The following PIEZO2 variants were observed in gnomAD, a reference collection of about 807,000 sequenced individuals.
The protein encoded by PIEZO2 is piezo-type mechanosensitive ion channel component 2.
Under a neutral mutation model 337.3 loss-of-function variants are expected in PIEZO2, and 172 were observed. The ratio of observed to expected loss-of-function variants is 0.51; its 90% CI spans 0.45 to 0.58. The LOEUF (loss-of-function observed/expected upper bound fraction) is 0.58. Among genes scored for constraint, PIEZO2 ranks in the 20% least tolerant of loss-of-function variants. The pLI is 0.00. For missense variants in PIEZO2, 3,028 were observed against 3,391.3 expected (o/e 0.89, Z 2.66); for synonymous variants, 1,251 against 1,228.5 (o/e 1.02, Z -0.38).
intron 1 of PIEZO2, among the ~76,000 whole-genome samples, chr18:11,138,564 G>A (rs1410372100): frequency 5.9e-5 from 9 of 152,148 alleles, no homozygotes; most frequent in South Asian, 2.1e-4. Context: ...CAAAGTGCTC[G>A]GATTACAGGC....
intron 2 of PIEZO2, among the ~76,000 whole-genome samples, chr18:11,017,968 GTAA>G (rs767100017): frequency 6.6e-5 from 10 of 152,076 alleles, no homozygotes; most frequent in African/African-American, 2.2e-4. Flanking sequence ...TCTCTATTAA[GTAA>G]TAATAATAAT....
chr18:11,114,379 G>C (rs1016720530), intron 1 of PIEZO2, among the ~76,000 whole-genome samples: 7 of 152,204 alleles, frequency 4.6e-5, no homozygotes, highest in Admixed American at 6.5e-5. Context: ...AAAGTTAGCA[G>C]AGACGGCCAA....
intron 49 of PIEZO2, among the ~76,000 whole-genome samples, chr18:10,684,745 C>T (rs1200543890): frequency 6.6e-6 from 1 of 152,196 alleles, no homozygotes; most frequent in African/African-American, 2.4e-5. Context: ...GGATTACAAG[C>T]GTGAGCCACC....
In PIEZO2 at chr18:10,726,897, C is replaced by G; in HGVS notation, c.5029+4510G>C. ...AGCTGAAGCACATCATGGCCACCAACCGGCTGGATGTGGCGGAGCTGGGTC... is the reference window on the plus strand; with the variant it reads ...AGCTGAAGCACATCATGGCCACCAAGCGGCTGGATGTGGCGGAGCTGGGTC... On this transcript the variant is annotated intron_variant, in intron 36 of 55. Coordinates refer to ENST00000674853, the MANE Select transcript of PIEZO2 (RefSeq NM_001378183.1). This position sits in a 1 kb window ranked among gnomAD's most constrained non-coding sequence, Gnocchi z 5.9. 1.9e-6 allele frequency: 3 copies of G among 1,592,070 alleles called. No individual in the cohort carries two copies. The highest frequency in any genetic ancestry group is 2.6e-6 in the Non-Finnish European group (3 of 1,165,472).
At chr18:11,029,554 TA>T (rs1434109734) in intron 2 of PIEZO2, among the ~76,000 whole-genome samples, 2 of 152,180 alleles carry the variant, frequency 1.3e-5, no homozygotes, top group African/African-American at 4.8e-5. Flanking sequence ...TTCTCCTACT[TA>T]AAGTCTCTTA....
chr18:10,786,724 T>TA, intron 16 of PIEZO2, among the ~76,000 whole-genome samples: 1 of 152,216 alleles, frequency 6.6e-6, no homozygotes, highest in Non-Finnish European at 1.5e-5. Flanking sequence ...TGAACTTACT[T>TA]AAGAACTGAA....
At position 10,993,303 on chromosome 18, in the gene PIEZO2, T is replaced by A. The variant is rs2035178480; in HGVS notation, c.161-13643A>T. Among the ~76,000 whole-genome samples, 1 of 152,170 alleles carries A rather than the reference T, an allele frequency of 6.6e-6. No individual in the cohort carries two copies. Among genetic ancestry groups the A allele is most frequent in the Non-Finnish European group, 1.5e-5 (1 of 68,022 alleles). ...AGAGAGTGCCGGTTTTCAAAGGGAA[T>A]GCTTCCAGTTTTTGCCCATTCAGTA... On this transcript the variant is annotated intron_variant, in intron 2 of 55. Coordinates refer to ENST00000674853, the MANE Select transcript of PIEZO2 (RefSeq NM_001378183.1). The surrounding 1 kb of genome is among the most constrained non-coding windows in gnomAD (Gnocchi z 5.0).
At position 10,726,591 on chromosome 18, in the gene PIEZO2, C is replaced by A; in HGVS notation, c.5029+4816G>T. Reference sequence around the variant, plus strand: ...TGTCCTTCCGCCAGCTCTTCCAGGACCTGGCGCGCTACGTGCGGGACGCCG... The same window carrying A: ...TGTCCTTCCGCCAGCTCTTCCAGGAACTGGCGCGCTACGTGCGGGACGCCG... On this transcript the variant is annotated intron_variant, in intron 36 of 55. Transcript: ENST00000674853. This position sits in a 1 kb window ranked among gnomAD's most constrained non-coding sequence, Gnocchi z 5.9. 4 of 1,404,112 alleles carry A rather than the reference C, an allele frequency of 2.8e-6. No homozygotes were observed. The highest frequency in any genetic ancestry group is 3.8e-6 in the Non-Finnish European group (4 of 1,054,308). 87.0% of individuals were successfully genotyped at this position (1,404,112 alleles called of 1,614,324 possible).
Position 10,725,475 on chromosome 18 carries a change from A to G in PIEZO2, c.5029+5932T>C, listed in dbSNP as rs2036496765. The G allele has an allele frequency of 2.0e-6, 3 of 1,528,304 alleles. No homozygotes were observed. The Admixed American group carries it at 5.2e-5, about 27-fold the overall frequency. The allele number at this position is 1,528,304 out of a possible 1,614,324, so 94.7% of individuals were successfully genotyped here. A position where few individuals can be genotyped will look rare whatever the true frequency, so the allele number is the denominator to read the frequency against. On this transcript the variant is annotated intron_variant, in intron 36 of 55. Coordinates refer to ENST00000674853, the MANE Select transcript of PIEZO2 (RefSeq NM_001378183.1). ...GCATGAAATAGGTCAGGGTGTGGGT[A>G]TCCGGGTGGATGGGTAGGCATGAAA...
At chr18:10,757,938 T>G in intron 27 of PIEZO2, 31 bp downstream of exon 27, 1 of 1,511,812 alleles carries the variant, frequency 6.6e-7, no homozygotes, top group Non-Finnish European at 8.8e-7. Context: ...CACATCAAAG[T>G]GGCTTTTAGC....
intron 3 of PIEZO2, among the ~76,000 whole-genome samples, chr18:10,967,148 G>T (rs1056726038): frequency 6.6e-6 from 1 of 151,038 alleles, no homozygotes; most frequent in Non-Finnish European, 1.5e-5. Flanking sequence ...CTCCTGAGTA[G>T]CTGGGATTAC....
intron 18 of PIEZO2, among the ~76,000 whole-genome samples, 169 bp from the exon 19 acceptor site, chr18:10,774,207 C>T (rs760561498): frequency 1.8e-4 from 28 of 152,190 alleles, no homozygotes; most frequent in Non-Finnish European, 1.2e-4. Context: ...GCATCAATAG[C>T]GTGCTTTGCT....
At chr18:10,780,120 C>A (rs1008343173) in intron 18 of PIEZO2, among the ~76,000 whole-genome samples, 1 of 152,156 alleles carries the variant, frequency 6.6e-6, no homozygotes, top group Non-Finnish European at 1.5e-5. Flanking sequence ...CAGCTGAAGA[C>A]CCTCAACAGC....
At chr18:11,007,101 G>T (rs1332411697) in intron 2 of PIEZO2, among the ~76,000 whole-genome samples, 1 of 151,978 alleles carries the variant, frequency 6.6e-6, no homozygotes. Flanking sequence ...TCCTTATTTT[G>T]CTATCAAACA....
At position 10,727,516 on chromosome 18, in the gene PIEZO2, T is replaced by C. The variant is rs1461760356; in HGVS notation, c.5029+3891A>G. The C allele has an allele frequency of 6.6e-6, 1 of 152,386 alleles. No individual in the cohort carries two copies. The highest frequency in any genetic ancestry group is 1.9e-4 in the East Asian group (1 of 5,194). The allele number at this position is 152,386 out of a possible 1,614,324, so 9.4% of individuals were successfully genotyped here. On this transcript the variant is annotated intron_variant, in intron 36 of 55. Transcript: ENST00000674853. The surrounding 1 kb of genome is among the most constrained non-coding windows in gnomAD (Gnocchi z 6.3). ...TCACTGGTCATGTATTTATTCCATATTTATATGATCTACTTCCTGTGGCTG... is the reference window on the plus strand; with the variant it reads ...TCACTGGTCATGTATTTATTCCATACTTATATGATCTACTTCCTGTGGCTG...
intron 11 of PIEZO2, among the ~76,000 whole-genome samples, chr18:10,799,224 G>A (rs12962798): frequency 0.25 from 38,759 of 152,072 alleles, 5,219 homozygotes; most frequent in East Asian, 0.35. Context: ...CTAAAGGCAC[G>A]ACAAGGTCTA....
At chr18:10,933,210 T>TA (rs546529821) in intron 3 of PIEZO2, among the ~76,000 whole-genome samples, 10 of 149,322 alleles carry the variant, frequency 6.7e-5, no homozygotes, top group East Asian at 2.0e-4. Flanking sequence ...TTTAATCGGT[T>TA]AAAAAAAAAA....
chr18:10,912,217 G>C (rs998707047), intron 3 of PIEZO2, among the ~76,000 whole-genome samples: 4 of 152,020 alleles, frequency 2.6e-5, no homozygotes, highest in African/African-American at 7.2e-5. Context: ...TATGTCACAG[G>C]CATATAATAA....
At chr18:10,691,110 AC>A in intron 48 of PIEZO2, 114 bp downstream of exon 48, 2 of 1,216,140 alleles carry the variant, frequency 1.6e-6, no homozygotes, top group African/African-American at 1.5e-5. Context: ...GAGTTCCACA[AC>A]GATTCCCACT....
Sources: gnomAD v4.1 joint callset for allele counts (sites outside exome capture counted in the v4.1 genomes callset) on GRCh38, gnomAD v4.1.1 for gene constraint, Gnocchi (gnomAD v3.1) non-coding constraint, MANE v1.5 for transcripts, NCBI Gene and HGNC (gene_info 2026-07-23, HGNC 2026-07-21) for gene names.